Variants in ARB2A observed in about 807,000 individuals in gnomAD.
ARB2A encodes cotranscriptional regulator ARB2A.
chr5:94,009,456 CACCCTGATACCA>C, the ARB2A span, among the ~76,000 whole-genome samples: 2 of 152,052 alleles, frequency 1.3e-5, no homozygotes, highest in African/African-American at 4.8e-5. Flanking sequence ...ATAAAAATCT[CACCCTGATACCA>C]ACCCTCTAAA....
At chr5:94,057,240 T>A in the ARB2A span, among the ~76,000 whole-genome samples, 4 of 152,212 alleles carry the variant, frequency 2.6e-5, no homozygotes, top group Non-Finnish European at 4.4e-5. Context: ...AAAACTGATG[T>A]ACCTTGAAGA....
At chr5:93,819,580 G>C in the ARB2A span, among the ~76,000 whole-genome samples, 2 of 152,188 alleles carry the variant, frequency 1.3e-5, no homozygotes, top group African/African-American at 2.4e-5. Context: ...ACTTTTAGCT[G>C]TTCTCATTGA....
chr5:93,712,039 G>A, the ARB2A span, among the ~76,000 whole-genome samples: 3 of 152,198 alleles, frequency 2.0e-5, no homozygotes, highest in Non-Finnish European at 2.9e-5. Context: ...GAGGATGAGT[G>A]CTGGGACGGA....
chr5:93,925,604 G>A, the ARB2A span, among the ~76,000 whole-genome samples: 2 of 152,158 alleles, frequency 1.3e-5, no homozygotes, highest in Non-Finnish European at 2.9e-5. Context: ...GGTGTGCAAT[G>A]TAAAACTTCT....
chr5:93,931,237 G>A, the ARB2A span, among the ~76,000 whole-genome samples: 3 of 152,146 alleles, frequency 2.0e-5, no homozygotes, highest in East Asian at 5.8e-4. Flanking sequence ...AGGACGAGGT[G>A]GGCAGATCAT....
the ARB2A span, among the ~76,000 whole-genome samples, chr5:93,659,029 T>G: frequency 6.6e-6 from 1 of 152,070 alleles, no homozygotes; most frequent in Non-Finnish European, 1.5e-5. Context: ...AGTTTTATTT[T>G]GAAGTTTCAT....
the ARB2A span, chr5:94,050,608 A>C: frequency 4.5e-3 from 3,344 of 746,792 alleles, 14 homozygotes; most frequent in Non-Finnish European, 5.6e-3. Context: ...AAAAAAAAAA[A>C]ACAAAAACCT....
the ARB2A span, among the ~76,000 whole-genome samples, chr5:94,003,742 T>C: frequency 2.0e-5 from 3 of 152,260 alleles, no homozygotes; most frequent in South Asian, 6.2e-4. Context: ...TGTTCATGGA[T>C]ACAAAGCTCT....
At chr5:93,902,904 G>A in the ARB2A span, among the ~76,000 whole-genome samples, 1 of 152,016 alleles carries the variant, frequency 6.6e-6, no homozygotes, top group South Asian at 2.1e-4. Flanking sequence ...TCTCAAACAT[G>A]GGGTCTTCAA....
the ARB2A span, among the ~76,000 whole-genome samples, chr5:93,852,780 T>C: frequency 6.6e-6 from 1 of 152,202 alleles, no homozygotes; most frequent in Non-Finnish European, 1.5e-5. Flanking sequence ...TGCGGCGTTA[T>C]TTCTGAGGGC....
the ARB2A span, among the ~76,000 whole-genome samples, chr5:93,891,394 T>C: frequency 2.6e-5 from 4 of 152,094 alleles, no homozygotes; most frequent in African/African-American, 7.2e-5. Flanking sequence ...TGCACAGTGG[T>C]GTTTTAAGAA....
chr5:93,762,035 A>C, the ARB2A span, among the ~76,000 whole-genome samples: 1 of 151,720 alleles, frequency 6.6e-6, no homozygotes, highest in East Asian at 1.9e-4. Flanking sequence ...GGACATCCAC[A>C]CCAAAACCCC....
At chr5:93,831,419 A>G in the ARB2A span, among the ~76,000 whole-genome samples, 1 of 152,168 alleles carries the variant, frequency 6.6e-6, no homozygotes, top group East Asian at 1.9e-4. Context: ...ATCTATTTCC[A>G]GGGATCTTAT....
chr5:93,929,433 T>C, the ARB2A span, among the ~76,000 whole-genome samples: 1 of 152,260 alleles, frequency 6.6e-6, no homozygotes, highest in East Asian at 1.9e-4. Flanking sequence ...AAATTCTGCA[T>C]GCAAGAGACT....
chr5:93,950,588 A>T, the ARB2A span, among the ~76,000 whole-genome samples: 2 of 151,848 alleles, frequency 1.3e-5, no homozygotes, highest in Non-Finnish European at 2.9e-5. Flanking sequence ...GGTTGTAGTG[A>T]GCTGAGCTTG....
chr5:93,848,162 A>G, the ARB2A span, among the ~76,000 whole-genome samples: 1 of 152,156 alleles, frequency 6.6e-6, no homozygotes, highest in African/African-American at 2.4e-5. Flanking sequence ...AGGCAGGTGG[A>G]TCACAAGGTC....
chr5:93,670,108 A>G, the ARB2A span, among the ~76,000 whole-genome samples: 1 of 152,034 alleles, frequency 6.6e-6, no homozygotes, highest in Non-Finnish European at 1.5e-5. Context: ...TCCCATCTCT[A>G]AATGATTATG....
the ARB2A span, among the ~76,000 whole-genome samples, chr5:93,700,774 T>C: frequency 1.3e-5 from 2 of 152,112 alleles, no homozygotes; most frequent in Non-Finnish European, 2.9e-5. Flanking sequence ...ACATACAGAT[T>C]TTAAAATTCA....
the ARB2A span, among the ~76,000 whole-genome samples, chr5:93,702,454 G>A: frequency 6.6e-6 from 1 of 151,976 alleles, no homozygotes; most frequent in Non-Finnish European, 1.5e-5. Context: ...TTTATATGTC[G>A]ATTTGTCTAC....
Sources: allele counts gnomAD v4.1 joint callset (sites outside exome capture counted in the v4.1 genomes callset), GRCh38; gene constraint gnomAD v4.1.1; transcripts MANE v1.5; gene names NCBI Gene and HGNC (gene_info 2026-07-23, HGNC 2026-07-21).